The following SUB1 variants were observed in gnomAD, a reference collection of about 807,000 sequenced individuals.
SUB1 encodes activated RNA polymerase II transcriptional coactivator p15.
SUB1 carries 1 observed loss-of-function variant against 16.9 expected under a neutral mutation model. The observed-to-expected ratio is 0.06, with a 90% CI of 0.02 to 0.28. SUB1 has a LOEUF of 0.28. Among genes scored for constraint, SUB1 ranks in the 10% least tolerant of loss-of-function variants. The pLI is 1.00. For missense variants in SUB1, 84 were observed against 145.2 expected, an observed-to-expected ratio of 0.58 and a Z score of 2.16; for synonymous variants, 51 against 46.9, an observed-to-expected ratio of 1.09 and a Z score of -0.36.
In SUB1 at chr5:32,585,599, T is replaced by C. The variant is rs1206514777; in HGVS notation, c.-28T>C. Reference sequence around the variant, plus strand: ...AGTCGCGAGCGAACGACCAAGAGGGTGTTCGACTGCTAGAGCCGAGCGAAG... The same window carrying C: ...AGTCGCGAGCGAACGACCAAGAGGGCGTTCGACTGCTAGAGCCGAGCGAAG... On this transcript the variant is annotated 5_prime_UTR_variant, in exon 1 of 5. Coordinates refer to ENST00000265073, the MANE Select transcript of SUB1 (RefSeq NM_006713.4). 1 of 152,160 alleles carries C rather than the reference T, an allele frequency of 6.6e-6. No individual in the cohort carries two copies. Among genetic ancestry groups the C allele is most frequent in the Non-Finnish European group, 1.5e-5 (1 of 68,054 alleles). The allele number at this position is 152,160 out of a possible 1,614,324, so 9.4% of individuals were successfully genotyped here. A position where few individuals can be genotyped will look rare whatever the true frequency, so the allele number is the denominator to read the frequency against.
At chr5:32,596,409 C>T (rs1269090747) in intron 3 of SUB1, 2 of 152,088 alleles carry the variant, frequency 1.3e-5, no homozygotes, top group African/African-American at 2.4e-5. Context: ...TCTATTCTAT[C>T]GATTTTTCTC....
Position 32,601,265 on chromosome 5 carries a change from A to G in SUB1, c.*181A>G. ...AAAATATTGAGTGAAGCTAATTGTC[A>G]ACTTTATTAAGGATTACTTTGTCTG... On this transcript the variant is annotated 3_prime_UTR_variant, in exon 5 of 5. Transcript: ENST00000265073. 1.8e-6 allele frequency: 1 copy of G among 553,664 alleles called. No individual in the cohort carries two copies. The highest frequency in any genetic ancestry group is 3.2e-6 in the Non-Finnish European group (1 of 313,454). The allele number at this position is 553,664 out of a possible 1,614,324, so 34.3% of individuals were successfully genotyped here.
Position 32,603,506 on chromosome 5 carries a change from T to G in SUB1, c.*2422T>G, listed in dbSNP as rs1229602265. On this transcript the variant is annotated 3_prime_UTR_variant, in exon 5 of 5. Coordinates refer to ENST00000265073, the MANE Select transcript of SUB1 (RefSeq NM_006713.4). ...AAATGTGAGTAGCATTTGACCAATT[T>G]CCAGTGCTCTTAGCATTTTACTTAA... is the stretch of plus-strand genomic sequence containing the variant. 6.6e-6 allele frequency: 1 copy of G among 152,160 alleles called. No homozygotes were observed. Among genetic ancestry groups the G allele is most frequent in the Non-Finnish European group, 1.5e-5 (1 of 68,002 alleles). The allele number at this position is 152,160 out of a possible 1,614,324, so 9.4% of individuals were successfully genotyped here.
Position 32,591,652 on chromosome 5 carries a change from GAGCAGC to G in SUB1, c.171_176del (p.Ser57_Ser58del), listed in dbSNP as rs754697930. On this transcript the variant is annotated inframe_deletion, in exon 3 of 5. Transcript: ENST00000265073. The stretch of plus-strand genomic sequence containing the variant: ...CGAGAGCCCTGTCATCTTCTAAACA[GAGCAGC>G]AGCAGCAGAGATGATAACATGTTTC... 1.3e-6 allele frequency: 2 copies of G among 1,599,586 alleles called. No homozygotes were observed. Among genetic ancestry groups the G allele is most frequent in the South Asian group, 1.1e-5 (1 of 88,018 alleles).
chr5:32,596,017 A>G (rs2111675489), intron 3 of SUB1: 1 of 152,282 alleles, frequency 6.6e-6, no homozygotes. Flanking sequence ...CACTTTATAT[A>G]TTTTGTCAGA....
intron 3 of SUB1, chr5:32,595,366 G>A (rs1738933472): frequency 6.6e-6 from 1 of 152,132 alleles, no homozygotes; most frequent in African/African-American, 2.4e-5. Context: ...GGTAATCACT[G>A]ATCTTATTTC....
At chr5:32,599,641 ATTTAGT>A (rs558900902) in intron 4 of SUB1, among the ~76,000 whole-genome samples, 122 of 150,278 alleles carry the variant, frequency 8.1e-4, no homozygotes, top group African/African-American at 2.9e-3. Context: ...ATGCTTCCTT[ATTTAGT>A]TTTATTCTGC....
chr5:32,597,930 A>G (rs1158639668), intron 3 of SUB1: 2 of 152,216 alleles, frequency 1.3e-5, no homozygotes, highest in Non-Finnish European at 2.9e-5. Context: ...GTGTTTATCA[A>G]TAACATTAGT....
At chr5:32,600,629 A>T (rs1470910968) in intron 4 of SUB1, among the ~76,000 whole-genome samples, 6 of 148,362 alleles carry the variant, frequency 4.0e-5, no homozygotes, top group African/African-American at 1.5e-4. Flanking sequence ...TTTTAGATGG[A>T]GTCTTGCTCT....
chr5:32,592,332 A>G (rs1738848430), intron 3 of SUB1, among the ~76,000 whole-genome samples: 1 of 152,186 alleles, frequency 6.6e-6, no homozygotes, highest in Non-Finnish European at 1.5e-5. Flanking sequence ...TGACATGCCT[A>G]ATTTTGGCCT....
intron 3 of SUB1, 46 bp from the exon 4 acceptor site, chr5:32,598,915 C>A (rs73063656): frequency 2.8e-6 from 4 of 1,412,790 alleles, no homozygotes; most frequent in Middle Eastern, 2.3e-4. Flanking sequence ...GAAACAGATA[C>A]CACTCTTGAA....
Position 32,591,646 on chromosome 5 carries a change from T to C in SUB1, c.156T>C (p.Ser52=). The C allele has an allele frequency of 6.2e-7, 1 of 1,606,372 alleles. No individual in the cohort carries two copies. The change falls in exon 3 of 5, where the codon TCT becomes TCC. Residue 52 remains serine (S), a synonymous_variant. Transcript: ENST00000265073. ...TGETSRALSS[S]KQSSSSRDDN... ...AGACTTCGAGAGCCCTGTCATCTTC[T>C]AAACAGAGCAGCAGCAGCAGAGATG...
Position 32,586,762 on chromosome 5 carries a change from G to A in SUB1, c.-2+1137G>A, listed in dbSNP as rs1738681811. ...TTAACTAAATTGATTTTAGAGATGA[G>A]GTTGCAAAATGGAGCAGAAACAGGA... On this transcript the variant is annotated intron_variant, in intron 1 of 4. Coordinates refer to ENST00000265073, the MANE Select transcript of SUB1 (RefSeq NM_006713.4). 2.6e-5 allele frequency among the ~76,000 whole-genome samples: 4 copies of A among 152,292 alleles called. No individual in the cohort carries two copies. The South Asian group carries it at 8.3e-4, about 32-fold the overall frequency.
In SUB1 at chr5:32,585,594, G is replaced by A. The variant is rs1193124623; in HGVS notation, c.-33G>A. ...CTGTCAGTCGCGAGCGAACGACCAA[G>A]AGGGTGTTCGACTGCTAGAGCCGAG... is the stretch of plus-strand genomic sequence containing the variant. On this transcript the variant is annotated 5_prime_UTR_variant, in exon 1 of 5. Coordinates refer to ENST00000265073, the MANE Select transcript of SUB1 (RefSeq NM_006713.4). The A allele has an allele frequency of 2.0e-5, 3 of 152,262 alleles. No individual in the cohort carries two copies. The highest frequency in any genetic ancestry group is 6.5e-5 in the Admixed American group (1 of 15,288). The allele number at this position is 152,262 out of a possible 1,614,324, so 9.4% of individuals were successfully genotyped here. A position where few individuals can be genotyped will look rare whatever the true frequency, so the allele number is the denominator to read the frequency against.
chr5:32,589,798 G>T (rs1422685289), intron 2 of SUB1, among the ~76,000 whole-genome samples: 1 of 152,024 alleles, frequency 6.6e-6, no homozygotes, highest in Admixed American at 6.6e-5. Context: ...GTAATGACTA[G>T]CACTGGTAGA....
rs565202672 is a variant in SUB1 at position 32,603,559 on chromosome 5, T to G, written c.*2475T>G. 6.6e-6 allele frequency: 1 copy of G among 152,340 alleles called. No individual in the cohort carries two copies. Among genetic ancestry groups the G allele is most frequent in the African/African-American group, 2.4e-5 (1 of 41,602 alleles). 9.4% of individuals were successfully genotyped at this position (152,340 alleles called of 1,614,324 possible). On this transcript the variant is annotated 3_prime_UTR_variant, in exon 5 of 5. Coordinates refer to ENST00000265073, the MANE Select transcript of SUB1 (RefSeq NM_006713.4). ...AACAACCACTACAAAAGAAAATCTT[T>G]GTAATTTGATTGTCTTTTGCTTTGC...
Position 32,599,018 on chromosome 5 carries a change from A to G in SUB1, c.253A>G (p.Ile85Val). Reference sequence around the variant, plus strand: ...TTTTAAAGGCAAAGTGCTAATTGATATTAGAGAATATTGGATGGATCCTGA... The same window carrying G: ...TTTTAAAGGCAAAGTGCTAATTGATGTTAGAGAATATTGGATGGATCCTGA... ...RDFKGKVLID[I>V]REYWMDPEGE... is the part of the protein sequence containing the mutation. Residue 85 changes from isoleucine to valine, a missense_variant, in exon 4 of 5, where the codon ATT (isoleucine) becomes GTT (valine). Around this residue, in one of 2 missense-constraint regions of SUB1, gnomAD observed 24 missense variants for 80.3 expected, o/e 0.30. Coordinates refer to ENST00000265073, the MANE Select transcript of SUB1 (RefSeq NM_006713.4). 6.2e-7 allele frequency: 1 copy of G among 1,613,774 alleles called. No homozygotes were observed. Among genetic ancestry groups the G allele is most frequent in the Non-Finnish European group, 8.5e-7 (1 of 1,179,844 alleles).
chr5:32,589,645 C>T (rs773745289), intron 2 of SUB1, among the ~76,000 whole-genome samples: 8 of 152,170 alleles, frequency 5.3e-5, no homozygotes, highest in Non-Finnish European at 1.0e-4. Flanking sequence ...AACTGAGCGT[C>T]TCACTCTGCG....
At position 32,591,698 on chromosome 5, in the gene SUB1, A is replaced by ATT. The variant is rs567336710; in HGVS notation, c.195+32_195+33dup. The ATT allele has an allele frequency of 2.8e-3, 3,799 of 1,376,286 alleles. 1 individual carries two copies. Among genetic ancestry groups the ATT allele is most frequent in the South Asian group, 7.0e-3 (429 of 60,866 alleles). 85.3% of individuals were successfully genotyped at this position (1,376,286 alleles called of 1,614,324 possible). A position where few individuals can be genotyped will look rare whatever the true frequency, so the allele number is the denominator to read the frequency against. On this transcript the variant is annotated intron_variant, in intron 3 of 4. Transcript: ENST00000265073. ...TAACATGTTTCAGGTAAAGTTGGCT[A>ATT]TTTTTTTTTTTTTTTTTTTTGACAT...
Sources: allele counts gnomAD v4.1 joint callset (sites outside exome capture counted in the v4.1 genomes callset), GRCh38; gene constraint gnomAD v4.1.1; regional missense constraint gnomAD v4.1.1; transcripts MANE v1.5; gene names NCBI Gene and HGNC (gene_info 2026-07-23, HGNC 2026-07-21).